The following AKAP13 variants were observed in gnomAD, a reference collection of about 807,000 sequenced individuals.
AKAP13 encodes the protein A-kinase anchoring protein 13.
Under a neutral mutation model 264.5 loss-of-function variants are expected in AKAP13, and 80 were observed. That is an observed-to-expected ratio of 0.30 (90% CI 0.25 to 0.36). The LOEUF is 0.36. Ranked by LOEUF, AKAP13 falls within the 10% of genes least tolerant of loss-of-function variation. The pLI is 1.00. For missense variants in AKAP13, 3,712 were observed against 3,435.2 expected, an observed-to-expected ratio of 1.08 and a Z score of -2.01; for synonymous variants, 1,380 against 1,250.2, an observed-to-expected ratio of 1.10 and a Z score of -2.19.
intron 10 of AKAP13, among the ~76,000 whole-genome samples, chr15:85,649,733 G>C (rs2082719156): frequency 6.6e-6 from 1 of 152,134 alleles, no homozygotes; most frequent in Non-Finnish European, 1.5e-5. Flanking sequence ...ATATGTGTGG[G>C]TTCCTAAGGT....
intron 2 of AKAP13, among the ~76,000 whole-genome samples, chr15:85,507,379 C>G (rs1216611643): frequency 8.5e-6 from 1 of 118,086 alleles, no homozygotes; most frequent in Admixed American, 8.8e-5. Context: ...TCCTTTTGTG[C>G]TACCAAAAAA....
intron 8 of AKAP13, among the ~76,000 whole-genome samples, chr15:85,623,059 CAATTATTTCTACAA>C (rs1357203182): frequency 4.6e-5 from 7 of 152,084 alleles, no homozygotes. Context: ...TAGTGTTCTC[CAATTATTTCTACAA>C]AATTATTTCT....
At chr15:85,534,233 T>A in intron 4 of AKAP13, 1 of 314,870 alleles carries the variant, frequency 3.2e-6, no homozygotes, top group Non-Finnish European at 5.8e-6. Flanking sequence ...AAGACATGGT[T>A]TTCATTATTG....
chr15:85,419,896 G>T (rs1272270292), intron 1 of AKAP13, among the ~76,000 whole-genome samples: 1 of 145,012 alleles, frequency 6.9e-6, no homozygotes, highest in Admixed American at 6.9e-5. Flanking sequence ...ATATTCATCT[G>T]TCATTTCTAG....
Position 85,674,840 on chromosome 15 carries a change from G to GTA in AKAP13, c.5101+5020_5101+5021dup, listed in dbSNP as rs1454214010. Among the ~76,000 whole-genome samples, 1,407 of 151,662 alleles carry GTA rather than the reference G, an allele frequency of 9.3e-3. 8 individuals are homozygous for GTA. The highest frequency in any genetic ancestry group is 0.013 in the Non-Finnish European group (855 of 67,892). ...GAAATATGTATGTGTGTGTGTGTGT[G>GTA]TATATATATATGAATATATGTGAAT... On this transcript the variant is annotated intron_variant, in intron 14 of 36. Transcript: ENST00000394518.
chr15:85,466,331 T>G (rs2074740852), intron 1 of AKAP13, among the ~76,000 whole-genome samples: 1 of 152,188 alleles, frequency 6.6e-6, no homozygotes, highest in Non-Finnish European at 1.5e-5. Flanking sequence ...GTAGTTTCTT[T>G]TGCTGTACAG....
chr15:85,632,006 G>A (rs1355373607), intron 8 of AKAP13, among the ~76,000 whole-genome samples: 1 of 152,074 alleles, frequency 6.6e-6, no homozygotes, highest in Non-Finnish European at 1.5e-5. Flanking sequence ...CCACAGAAGT[G>A]TAACATGTCA....
At chr15:85,725,775 G>A (rs1045999889) in intron 26 of AKAP13, among the ~76,000 whole-genome samples, 44 of 152,224 alleles carry the variant, frequency 2.9e-4, no homozygotes, top group African/African-American at 1.1e-3. Flanking sequence ...CCTACTCCTA[G>A]AGGATTAGTC....
At chr15:85,622,882 T>C (rs2081256881) in intron 8 of AKAP13, among the ~76,000 whole-genome samples, 1 of 152,234 alleles carries the variant, frequency 6.6e-6, no homozygotes, top group African/African-American at 2.4e-5. Context: ...TTAGCTTTTA[T>C]TGATATAAGC....
chr15:85,529,807 C>A (rs551093696), intron 3 of AKAP13, among the ~76,000 whole-genome samples: 2 of 152,276 alleles, frequency 1.3e-5, no homozygotes, highest in East Asian at 3.9e-4. Context: ...AAAGACTAAT[C>A]CAGGAAACCC....
chr15:85,730,367 G>C, intron 29 of AKAP13, 146 bp from the exon 30 acceptor site: 1 of 739,976 alleles, frequency 1.4e-6, no homozygotes, highest in Non-Finnish European at 2.2e-6. Context: ...TTGCTGTCTT[G>C]ATGAAAAAGA....
rs369008646 is a variant in AKAP13, at chr15:85,606,090, C to CTTTTTTTTTTTTTTTTTTTTTTTTTTTTT, written c.4161+20293_4161+20294insTTTTTTTTTTTTTTTTTTTTTTTTTTTTT. On this transcript the variant is annotated intron_variant, in intron 8 of 36. Transcript: ENST00000394518. ...AGATTTTCTGCACTGGTTTGATCTA[C>CTTTTTTTTTTTTTTTTTTTTTTTTTTTTT]TTTTTTTTTTTTTTTTTTTTTTTTT... is the stretch of plus-strand genomic sequence containing the variant. Among the ~76,000 whole-genome samples, 24 of 88,364 alleles carry CTTTTTTTTTTTTTTTTTTTTTTTTTTTTT rather than the reference C, an allele frequency of 2.7e-4. 2 individuals are homozygous for CTTTTTTTTTTTTTTTTTTTTTTTTTTTTT. Among genetic ancestry groups the CTTTTTTTTTTTTTTTTTTTTTTTTTTTTT allele is most frequent in the East Asian group, 1.1e-3 (2 of 1,890 alleles). 58.0% of individuals were successfully genotyped at this position (88,364 alleles called of 152,430 possible).
At chr15:85,463,192 G>A (rs372654469) in intron 1 of AKAP13, among the ~76,000 whole-genome samples, 1 of 152,034 alleles carries the variant, frequency 6.6e-6, no homozygotes, top group East Asian at 1.9e-4. Flanking sequence ...GAAAATGTGG[G>A]ACAGTCTTTA....
At chr15:85,721,726 GTTTC>G (rs905524242) in intron 23 of AKAP13, among the ~76,000 whole-genome samples, 1 of 152,218 alleles carries the variant, frequency 6.6e-6, no homozygotes, top group African/African-American at 2.4e-5. Flanking sequence ...AGTACATAAA[GTTTC>G]TTTAATTTTT....
At position 85,468,984 on chromosome 15, in the gene AKAP13, A is replaced by G. The variant is rs7183211; in HGVS notation, c.-11-16726A>G. ...GGCTGGAGTGCAATGGCGTGATCTC[A>G]GCTCACTGCAGCCTCTGCCTCCTGG... On this transcript the variant is annotated intron_variant, in intron 1 of 36. Coordinates refer to ENST00000394518, the MANE Select transcript of AKAP13 (RefSeq NM_007200.5). 2.0e-3 allele frequency among the ~76,000 whole-genome samples: 238 copies of G among 118,742 alleles called. 14 individuals are homozygous for G. The highest frequency in any genetic ancestry group is 3.0e-3 in the Non-Finnish European group (178 of 59,538). The allele number at this position is 118,742 out of a possible 152,430, so 77.9% of individuals were successfully genotyped here.
At chr15:85,438,451 G>A (rs932330936) in intron 1 of AKAP13, among the ~76,000 whole-genome samples, 1 of 151,400 alleles carries the variant, frequency 6.6e-6, no homozygotes, top group Admixed American at 6.6e-5. Flanking sequence ...TTTCTTCACA[G>A]AATTGGAAAA....
At position 85,722,347 on chromosome 15, in the gene AKAP13, G is replaced by A; in HGVS notation, c.6496G>A (p.Asp2166Asn). 4 of 1,605,142 alleles carry A rather than the reference G, an allele frequency of 2.5e-6. No individual in the cohort carries two copies. The highest frequency in any genetic ancestry group is 3.4e-6 in the Non-Finnish European group (4 of 1,175,598). The change falls in exon 25 of 37, where the codon GAC becomes AAC. Residue 2166 changes from aspartate to asparagine, a missense_variant and splice_region_variant. Coordinates refer to ENST00000394518, the MANE Select transcript of AKAP13 (RefSeq NM_007200.5). Reference protein sequence around the residue: ...LFQRILQCTKDNEVEQEDLAQ... With the variant: ...LFQRILQCTKNNEVEQEDLAQ... Reference sequence around the variant, plus strand: ...CCAAAGAATATTGCAGTGTACCAAAGGTAAGTCTCCTTTCTAACTCGGTCT... The same window carrying A: ...CCAAAGAATATTGCAGTGTACCAAAAGTAAGTCTCCTTTCTAACTCGGTCT...
In AKAP13 at chr15:85,724,427, A is replaced by G. The variant is rs2087479288; in HGVS notation, c.6745+1107A>G. 6.6e-6 allele frequency among the ~76,000 whole-genome samples: 1 copy of G among 152,082 alleles called. No homozygotes were observed. The highest frequency in any genetic ancestry group is 1.5e-5 in the Non-Finnish European group (1 of 68,040). On this transcript the variant is annotated intron_variant, in intron 26 of 36. Transcript: ENST00000394518. This position sits in a 1 kb window ranked among gnomAD's most constrained non-coding sequence, Gnocchi z 4.2. Reference sequence around the variant, plus strand: ...GAAGGATGACGGCACATAAGGAGAAAGTGTTCCCCACACTAAGGAAGAGAA... The same window carrying G: ...GAAGGATGACGGCACATAAGGAGAAGGTGTTCCCCACACTAAGGAAGAGAA...
intron 19 of AKAP13, among the ~76,000 whole-genome samples, chr15:85,715,051 G>T (rs1482777096): frequency 1.3e-5 from 2 of 152,016 alleles, no homozygotes; most frequent in Non-Finnish European, 1.5e-5. Flanking sequence ...TATCCCCGTT[G>T]CCTGTCCCAC....
Sources: allele counts gnomAD v4.1 joint callset (sites outside exome capture counted in the v4.1 genomes callset), GRCh38; gene constraint gnomAD v4.1.1; non-coding constraint Gnocchi (gnomAD v3.1); transcripts MANE v1.5; gene names NCBI Gene and HGNC (gene_info 2026-07-23, HGNC 2026-07-21).